The following SLC2A2 variants were observed in gnomAD, a reference collection of about 807,000 sequenced individuals.
The protein encoded by SLC2A2 is solute carrier family 2, facilitated glucose transporter member 2.
A neutral mutation model predicts 54.5 loss-of-function variants in SLC2A2; 36 were observed. The observed-to-expected ratio is 0.66, with a 90% CI of 0.51 to 0.87. SLC2A2 has a LOEUF of 0.87. Ranked by LOEUF, SLC2A2 falls within the 40% of genes least tolerant of loss-of-function variation. The pLI is 0.00. For synonymous variants in SLC2A2, 223 were observed against 219.1 expected, an observed-to-expected ratio of 1.02 and a Z score of -0.16; for missense variants, 543 against 624.3, an observed-to-expected ratio of 0.87 and a Z score of 1.39.
At chr3:171,003,320 T>G (rs746089321) in intron 7 of SLC2A2, among the ~76,000 whole-genome samples, 4 of 151,920 alleles carry the variant, frequency 2.6e-5, no homozygotes, top group Non-Finnish European at 5.9e-5. Flanking sequence ...TTTACTACTA[T>G]TCTATTGATG....
chr3:171,026,198 AT>A (rs1429819649), intron 1 of SLC2A2, among the ~76,000 whole-genome samples: 1 of 151,938 alleles, frequency 6.6e-6, no homozygotes, highest in Non-Finnish European at 1.5e-5. Context: ...CCTTATTGCT[AT>A]TTTTTTCTTC....
At chr3:171,005,579 T>A in intron 6 of SLC2A2, 107 bp from the exon 7 acceptor site, 1 of 851,310 alleles carries the variant, frequency 1.2e-6, no homozygotes, top group Non-Finnish European at 1.9e-6. Flanking sequence ...TTGTATTACT[T>A]AATAGCATGG....
In SLC2A2 at chr3:170,997,796, TA is replaced by T; in HGVS notation, c.*106del. 1 of 933,420 alleles carries T rather than the reference TA, an allele frequency of 1.1e-6. No homozygotes were observed. The highest frequency in any genetic ancestry group is 1.7e-6 in the Non-Finnish European group (1 of 587,232). The allele number at this position is 933,420 out of a possible 1,614,324, so 57.8% of individuals were successfully genotyped here. ...CATTTCTGATGAGAGCACATAAAAA[TA>T]AAACAATACTTAAAGATGTGGATAT... On this transcript the variant is annotated 3_prime_UTR_variant, in exon 11 of 11. Transcript: ENST00000314251.
At position 170,997,812 on chromosome 3, in the gene SLC2A2, G is replaced by A. The variant is rs867371749; in HGVS notation, c.*91C>T. 1 of 995,440 alleles carries A rather than the reference G, an allele frequency of 1.0e-6. No homozygotes were observed. The highest frequency in any genetic ancestry group is 1.6e-5 in the African/African-American group (1 of 61,558). The allele number at this position is 995,440 out of a possible 1,614,324, so 61.7% of individuals were successfully genotyped here. A position where few individuals can be genotyped will look rare whatever the true frequency, so the allele number is the denominator to read the frequency against. ...ACATAAAAATAAAACAATACTTAAA[G>A]ATGTGGATATAAAATGCTCAAGGAA... On this transcript the variant is annotated 3_prime_UTR_variant, in exon 11 of 11. Coordinates refer to ENST00000314251, the MANE Select transcript of SLC2A2 (RefSeq NM_000340.2).
In SLC2A2 at chr3:171,005,988, T is replaced by C. The variant is rs780381836; in HGVS notation, c.730A>G (p.Arg244Gly). 3 of 1,612,612 alleles carry C rather than the reference T, an allele frequency of 1.9e-6. No homozygotes were observed. The highest frequency in any genetic ancestry group is 1.7e-6 in the Non-Finnish European group (2 of 1,179,038). Residue 244 changes from arginine to glycine, a missense_variant, in exon 6 of 11, where the codon AGA (arginine) becomes GGA (glycine). Arg to Gly is a moderately radical substitution (Grantham distance 125). Around this residue, in one of 3 missense-constraint regions of SLC2A2, gnomAD observed 318 missense variants for 343.8 expected, o/e 0.93. Coordinates refer to ENST00000314251, the MANE Select transcript of SLC2A2 (RefSeq NM_000340.2). ...LLLFFCPESP[R>G]YLYIKLDEEV... Reference sequence around the variant, plus strand: ...TCATCTAACTTGATGTAAAGGTATCTGGGGCTTTCTGGACAGAAAAAGAGT... The same window carrying C: ...TCATCTAACTTGATGTAAAGGTATCCGGGGCTTTCTGGACAGAAAAAGAGT...
Position 170,997,693 on chromosome 3 carries a change from G to C in SLC2A2, c.*210C>G, listed in dbSNP as rs1350649573. On this transcript the variant is annotated 3_prime_UTR_variant, in exon 11 of 11. Transcript: ENST00000314251. ...TGTAACAAAATAAACTAGCCTTTTT[G>C]GTTTACTTAATTACAGTCTTACCAT... The C allele has an allele frequency of 3.5e-6, 2 of 564,984 alleles. No homozygotes were observed. The highest frequency in any genetic ancestry group is 3.8e-5 in the African/African-American group (2 of 52,874). 35.0% of individuals were successfully genotyped at this position (564,984 alleles called of 1,614,324 possible).
chr3:171,010,751 C>T (rs1307862272), intron 3 of SLC2A2, among the ~76,000 whole-genome samples: 17 of 151,766 alleles, frequency 1.1e-4, no homozygotes, highest in Admixed American at 1.1e-3. Flanking sequence ...ATATTGTATG[C>T]CAGCATATTT....
In SLC2A2 at chr3:171,026,640, T is replaced by A. The variant is rs991875038; in HGVS notation, c.15+16A>T. The A allele has an allele frequency of 2.5e-6, 4 of 1,610,040 alleles. No homozygotes were observed. The African/African-American group carries it at 5.3e-5, about 22-fold the overall frequency. On this transcript the variant is annotated intron_variant, in intron 1 of 10. Transcript: ENST00000314251. ...TCCTGAAAACCAGACTTGAAATGAA[T>A]ATAATGCTGCTTTACCTTATCTTCT...
At chr3:171,008,020 G>C (rs1044067995) in intron 4 of SLC2A2, among the ~76,000 whole-genome samples, 2 of 152,102 alleles carry the variant, frequency 1.3e-5, no homozygotes, top group African/African-American at 2.4e-5. Flanking sequence ...AGTCGTGCTG[G>C]AAATGGTGGA....
chr3:171,010,888 T>C (rs2108251669), intron 3 of SLC2A2, among the ~76,000 whole-genome samples: 1 of 152,268 alleles, frequency 6.6e-6, no homozygotes, highest in Middle Eastern at 3.4e-3. Context: ...TACTTTTATT[T>C]CTAATTAATG....
chr3:171,003,733 C>CT (rs1247801017), intron 7 of SLC2A2, among the ~76,000 whole-genome samples: 1 of 151,924 alleles, frequency 6.6e-6, no homozygotes, highest in Admixed American at 6.6e-5. Context: ...CTGCTAGGAA[C>CT]ATTCTAGTAC....
intron 1 of SLC2A2, among the ~76,000 whole-genome samples, chr3:171,019,961 TAAGG>T (rs1232792463): frequency 1.3e-5 from 2 of 152,216 alleles, no homozygotes; most frequent in African/African-American, 2.4e-5. Flanking sequence ...AGACATTTCA[TAAGG>T]AAGATATTTC....
At chr3:171,007,285 A>G (rs1560036095) in intron 4 of SLC2A2, 22 bp from the exon 5 acceptor site, 1 of 1,392,024 alleles carries the variant, frequency 7.2e-7, no homozygotes, top group Non-Finnish European at 1.0e-6. Context: ...ATAAACATAA[A>G]TGTTAAAGTG....
chr3:171,020,226 G>C (rs2108264319), intron 1 of SLC2A2, among the ~76,000 whole-genome samples: 1 of 152,272 alleles, frequency 6.6e-6, no homozygotes, highest in Non-Finnish European at 1.5e-5. Flanking sequence ...AAAAGCTAGA[G>C]ATCAGAAATT....
At chr3:171,026,375 T>C (rs895493166) in intron 1 of SLC2A2, among the ~76,000 whole-genome samples, 1 of 150,296 alleles carries the variant, frequency 6.7e-6, no homozygotes, top group African/African-American at 2.5e-5. Context: ...CCCCTTTTTT[T>C]TTTTTTTTTT....
chr3:171,023,370 C>A (rs181388615), intron 1 of SLC2A2, among the ~76,000 whole-genome samples: 2 of 152,106 alleles, frequency 1.3e-5, no homozygotes, highest in Non-Finnish European at 2.9e-5. Flanking sequence ...GGTTTAATTG[C>A]CCTCTCTGAA....
chr3:171,011,646 A>T (rs1449226765), intron 3 of SLC2A2, among the ~76,000 whole-genome samples: 2 of 152,186 alleles, frequency 1.3e-5, no homozygotes, highest in Non-Finnish European at 2.9e-5. Flanking sequence ...ATAGGGAAAC[A>T]GAGTGATTTA....
intron 2 of SLC2A2, among the ~76,000 whole-genome samples, chr3:171,016,188 A>C (rs1406740266): frequency 2.6e-5 from 4 of 152,230 alleles, no homozygotes; most frequent in Non-Finnish European, 4.4e-5. Context: ...GTAATCTAGC[A>C]CTTTGGGAGG....
rs1290683006 is a variant in SLC2A2, at chr3:171,006,520, T to C, written c.613-415A>G. On this transcript the variant is annotated intron_variant, in intron 5 of 10. Transcript: ENST00000314251. Reference sequence around the variant, plus strand: ...TCCATGACTTTGGACCTTTGCTTGATATTTCCTTCTTATATTACCCAGAAC... The same window carrying C: ...TCCATGACTTTGGACCTTTGCTTGACATTTCCTTCTTATATTACCCAGAAC... Among the ~76,000 whole-genome samples the C allele has an allele frequency of 4.6e-5, 7 of 152,070 alleles. No homozygotes were observed. The East Asian group carries it at 7.7e-4, about 17-fold the overall frequency.
Sources: allele counts gnomAD v4.1 joint callset (sites outside exome capture counted in the v4.1 genomes callset), GRCh38; gene constraint gnomAD v4.1.1; regional missense constraint gnomAD v4.1.1; transcripts MANE v1.5; gene names NCBI Gene and HGNC (gene_info 2026-07-23, HGNC 2026-07-21).